LEF1: variants seen among roughly 807,000 people sequenced by gnomAD.
LEF1 encodes lymphoid enhancer-binding factor 1.
In LEF1, 14 loss-of-function variants were observed where a neutral mutation model predicts 51.2. The observed-to-expected ratio is 0.27, with a 90% CI of 0.18 to 0.43. The LOEUF (loss-of-function observed/expected upper bound fraction) is 0.43. Among genes scored for constraint, LEF1 ranks in the 20% least tolerant of loss-of-function variants. The probability of loss-of-function intolerance (pLI) is 1.00; values close to 1 mark genes in which losing one functional copy is unlikely to be tolerated. For synonymous variants in LEF1, 185 were observed against 183.2 expected (o/e 1.01, Z -0.08); for missense variants, 386 against 512.0 (o/e 0.75, Z 2.37).
intron 3 of LEF1, among the ~76,000 whole-genome samples, chr4:108,106,778 T>C (rs1205251631): frequency 6.6e-6 from 1 of 152,182 alleles, no homozygotes; most frequent in Non-Finnish European, 1.5e-5. Flanking sequence ...CCCAGTCAAG[T>C]TGGTCAAAAA....
intron 3 of LEF1, among the ~76,000 whole-genome samples, chr4:108,137,325 T>C (rs553396263): frequency 8.3e-4 from 127 of 152,318 alleles, no homozygotes; most frequent in Admixed American, 2.2e-3. Context: ...TACACTGCTC[T>C]GGTGATGGAT....
intron 3 of LEF1, among the ~76,000 whole-genome samples, chr4:108,101,123 T>C (rs1450722836): frequency 6.6e-6 from 1 of 152,166 alleles, no homozygotes; most frequent in African/African-American, 2.4e-5. Context: ...AAGAGATTTG[T>C]AGAAGATTCA....
At position 108,065,731 on chromosome 4, in the gene LEF1, T is replaced by C. The variant is rs1034891873; in HGVS notation, c.1117-1347A>G. ...TATAGCCTTTAAAAAAATTATTTGT[T>C]AATTTGATTATTACAGCAGACATAA... On this transcript the variant is annotated intron_variant, in intron 9 of 11. Coordinates refer to ENST00000265165, the MANE Select transcript of LEF1 (RefSeq NM_016269.5). Among the ~76,000 whole-genome samples, 4 of 152,314 alleles carry C rather than the reference T, an allele frequency of 2.6e-5. No individual in the cohort carries two copies. The East Asian group carries it at 7.7e-4, about 29-fold the overall frequency.
At chr4:108,138,214 T>C (rs557081870) in intron 3 of LEF1, among the ~76,000 whole-genome samples, 104 of 152,274 alleles carry the variant, frequency 6.8e-4, no homozygotes, top group African/African-American at 2.3e-3. Context: ...AATAAATAGA[T>C]GAAAGAGTAC....
intron 1 of LEF1, chr4:108,166,495 C>T: frequency 2.2e-6 from 3 of 1,369,710 alleles, no homozygotes; most frequent in Non-Finnish European, 2.8e-6. Flanking sequence ...CAGAGGGTTT[C>T]CCAGTTGTGG....
At chr4:108,156,275 C>A (rs192799308) in intron 3 of LEF1, among the ~76,000 whole-genome samples, 2 of 152,138 alleles carry the variant, frequency 1.3e-5, no homozygotes, top group African/African-American at 4.8e-5. Context: ...GTAGTGCACT[C>A]CCCCGGCTGA....
chr4:108,150,380 G>C (rs1401727797), intron 3 of LEF1, among the ~76,000 whole-genome samples: 1 of 152,158 alleles, frequency 6.6e-6, no homozygotes, highest in Non-Finnish European at 1.5e-5. Context: ...GTGAGGAATA[G>C]AGATTCCCAT....
chr4:108,155,140 AG>A (rs1210780686), intron 3 of LEF1, among the ~76,000 whole-genome samples: 4 of 151,572 alleles, frequency 2.6e-5, no homozygotes. Flanking sequence ...TATGGGATTA[AG>A]GGGGAAAAAA....
intron 3 of LEF1, among the ~76,000 whole-genome samples, chr4:108,128,470 T>A (rs1033549959): frequency 1.3e-5 from 2 of 151,086 alleles, no homozygotes; most frequent in Non-Finnish European, 2.9e-5. Context: ...CAAGGTGGGA[T>A]TAAAATTCTC....
intron 3 of LEF1, among the ~76,000 whole-genome samples, chr4:108,128,177 T>A (rs988990848): frequency 6.6e-6 from 1 of 152,108 alleles, no homozygotes; most frequent in African/African-American, 2.4e-5. Flanking sequence ...GCAAACTCTA[T>A]TATGAAAGTG....
chr4:108,148,142 C>T (rs1013761582), intron 3 of LEF1, among the ~76,000 whole-genome samples: 2 of 152,186 alleles, frequency 1.3e-5, no homozygotes, highest in African/African-American at 4.8e-5. Flanking sequence ...CTGGCCTCCA[C>T]TCTTACCAAC....
At chr4:108,081,469 A>G in intron 6 of LEF1, 117 bp downstream of exon 6, 1 of 740,692 alleles carries the variant, frequency 1.4e-6, no homozygotes, top group South Asian at 1.7e-5. Context: ...GCACAGACAG[A>G]CACATGGCTG....
chr4:108,111,728 A>G (rs532948656), intron 3 of LEF1, among the ~76,000 whole-genome samples: 2 of 152,294 alleles, frequency 1.3e-5, no homozygotes, highest in Non-Finnish European at 2.9e-5. Context: ...CCTGGGCAAC[A>G]TGGCGAAACT....
chr4:108,160,895 C>T (rs13150937), intron 3 of LEF1, among the ~76,000 whole-genome samples: 1,779 of 152,176 alleles, frequency 0.012, 14 homozygotes, highest in Non-Finnish European at 0.019. Context: ...GTGGTCAGGT[C>T]CCTCCCCCAC....
intron 11 of LEF1, among the ~76,000 whole-genome samples, chr4:108,053,382 CCTT>C (rs1295669215): frequency 6.6e-6 from 1 of 152,166 alleles, no homozygotes; most frequent in African/African-American, 2.4e-5. Flanking sequence ...CTGAATGACT[CCTT>C]AGTCCCAGCA....
At chr4:108,052,380 G>A (rs1047374241) in intron 11 of LEF1, among the ~76,000 whole-genome samples, 3 of 152,208 alleles carry the variant, frequency 2.0e-5, no homozygotes, top group Non-Finnish European at 4.4e-5. Flanking sequence ...CAAGAGGCAG[G>A]AGCCTTAAAC....
rs753007396 is a variant in LEF1, at chr4:108,167,744, A to T, written c.24T>A (p.Gly8=). 1 of 1,612,380 alleles carries T rather than the reference A, an allele frequency of 6.2e-7. No individual in the cohort carries two copies. The highest frequency in any genetic ancestry group is 8.5e-7 in the Non-Finnish European group (1 of 1,179,846). The change falls in exon 1 of 12, where the codon GGT becomes GGA. Residue 8 remains glycine (G), a synonymous_variant. Coordinates refer to ENST00000265165, the MANE Select transcript of LEF1 (RefSeq NM_016269.5). This position sits in a 1 kb window ranked among gnomAD's most constrained non-coding sequence, Gnocchi z 5.7. ...GTTCCGGGTCCCCCCCGCCGCCGCC[A>T]CCTCCTCCGGAGAGTTGGGGCATCC... MPQLSGG[G]GGGGGDPELC...
intron 3 of LEF1, among the ~76,000 whole-genome samples, chr4:108,112,110 T>C (rs1741570981): frequency 6.6e-6 from 1 of 152,150 alleles, no homozygotes; most frequent in African/African-American, 2.4e-5. Flanking sequence ...TAATGACCTG[T>C]TGGGAGTTCA....
At chr4:108,136,440 A>C (rs1743270296) in intron 3 of LEF1, among the ~76,000 whole-genome samples, 2 of 151,424 alleles carry the variant, frequency 1.3e-5, no homozygotes, top group East Asian at 3.9e-4. Context: ...TGCCAGTTCA[A>C]ATACTTCTCA....
Sources: gnomAD v4.1 joint callset for allele counts (sites outside exome capture counted in the v4.1 genomes callset) on GRCh38, gnomAD v4.1.1 for gene constraint, Gnocchi (gnomAD v3.1) non-coding constraint, MANE v1.5 for transcripts, NCBI Gene and HGNC (gene_info 2026-07-23, HGNC 2026-07-21) for gene names.